The following HS3ST2 variants were observed in gnomAD, a reference collection of about 807,000 sequenced individuals.
HS3ST2 encodes heparan sulfate-glucosamine 3-sulfotransferase 2, also known as heparan sulfate glucosamine 3-O-sulfotransferase 2.
Under a neutral mutation model 26.3 loss-of-function variants are expected in HS3ST2, and 17 were observed. The observed-to-expected ratio is 0.65, with a 90% CI of 0.44 to 0.97. The LOEUF is 0.97. HS3ST2 is among the 50% of genes least tolerant of loss of function. The pLI is 0.00. For synonymous variants in HS3ST2, 237 were observed against 219.2 expected (o/e 1.08, Z -0.72); for missense variants, 402 against 501.2 (o/e 0.80, Z 1.89).
chr16:22,835,179 C>A (rs914247271), intron 1 of HS3ST2, among the ~76,000 whole-genome samples: 2 of 149,460 alleles, frequency 1.3e-5, no homozygotes, highest in African/African-American at 2.6e-5. Flanking sequence ...TCATTTTGTT[C>A]ATTTTTTTTT....
At chr16:22,853,053 T>G (rs1901539307) in intron 1 of HS3ST2, among the ~76,000 whole-genome samples, 1 of 152,224 alleles carries the variant, frequency 6.6e-6, no homozygotes, top group Non-Finnish European at 1.5e-5. Context: ...AATTGAGGTT[T>G]AACTTTGCAT....
intron 1 of HS3ST2, among the ~76,000 whole-genome samples, chr16:22,870,073 C>T (rs1488368321): frequency 6.6e-6 from 1 of 152,112 alleles, no homozygotes. Flanking sequence ...GGTAAGGAAA[C>T]TGAGGCTTAG....
intron 1 of HS3ST2, among the ~76,000 whole-genome samples, chr16:22,841,345 G>A (rs1901353089): frequency 6.6e-6 from 1 of 152,180 alleles, no homozygotes; most frequent in Admixed American, 6.5e-5. Context: ...ACAGGCATGA[G>A]CCACAGCGCC....
At position 22,907,142 on chromosome 16, in the gene HS3ST2, T is replaced by C. The variant is rs548142663; in HGVS notation, c.486-7802T>C. Among the ~76,000 whole-genome samples the C allele has an allele frequency of 4.6e-5, 7 of 152,170 alleles. 1 individual carries two copies. The highest frequency in any genetic ancestry group is 1.7e-4 in the African/African-American group (7 of 41,518). ...GGATCAGAGTCTTAAAAAATAAAAA[T>C]AAAACACTTGGCAAGTGCAAAACAC... On this transcript the variant is annotated intron_variant, in intron 1 of 1. Coordinates refer to ENST00000261374, the MANE Select transcript of HS3ST2 (RefSeq NM_006043.2).
At chr16:22,823,453 C>T (rs1048645979) in intron 1 of HS3ST2, among the ~76,000 whole-genome samples, 1 of 152,030 alleles carries the variant, frequency 6.6e-6, no homozygotes, top group Non-Finnish European at 1.5e-5. Context: ...ACACAACTGA[C>T]GTTATGGGAA....
intron 1 of HS3ST2, among the ~76,000 whole-genome samples, 161 bp downstream of exon 1, chr16:22,815,256 C>T (rs1900847042): frequency 6.6e-6 from 1 of 151,960 alleles, no homozygotes; most frequent in Non-Finnish European, 1.5e-5. Flanking sequence ...TTACCCAGAA[C>T]TTCCCAGTGA....
In HS3ST2 at chr16:22,814,490, CG is replaced by C; in HGVS notation, c.-120del. 1 of 1,195,664 alleles carries C rather than the reference CG, an allele frequency of 8.4e-7. No individual in the cohort carries two copies. The highest frequency in any genetic ancestry group is 3.0e-5 in the East Asian group (1 of 33,766). The allele number at this position is 1,195,664 out of a possible 1,614,324, so 74.1% of individuals were successfully genotyped here. A position where few individuals can be genotyped will look rare whatever the true frequency, so the allele number is the denominator to read the frequency against. On this transcript the variant is annotated 5_prime_UTR_variant, in exon 1 of 2. The change abolishes the stop of an existing upstream ORF in the 5' untranslated region. Transcript: ENST00000261374. ...CCCCCGGAGAAGACGGCGCCCCCAA[CG>C]CCCGACCCGCGTGGCCGTGGCAGCG...
intron 1 of HS3ST2, among the ~76,000 whole-genome samples, chr16:22,823,718 T>C (rs1901039015): frequency 1.3e-5 from 2 of 151,962 alleles, no homozygotes; most frequent in Admixed American, 1.3e-4. Context: ...GCCCAGGAGT[T>C]CGAGGCTGCA....
intron 1 of HS3ST2, among the ~76,000 whole-genome samples, chr16:22,870,319 G>A (rs8062655): frequency 0.13 from 19,524 of 152,054 alleles, 1,471 homozygotes; most frequent in African/African-American, 0.19. Flanking sequence ...CAGATATGAC[G>A]ACTGCTCACC....
At position 22,868,742 on chromosome 16, in the gene HS3ST2, G is replaced by A. The variant is rs184444088; in HGVS notation, c.486-46202G>A. 2.0e-5 allele frequency among the ~76,000 whole-genome samples: 3 copies of A among 152,218 alleles called. No individual in the cohort carries two copies. In the East Asian group the frequency reaches 5.8e-4, roughly 29 times the overall value. Reference sequence around the variant, plus strand: ...AATTTTGCTGCTGCAGCTTTCTGAGGTCCCTGAGCTGGGGGCGCCTGTTTA... The same window carrying A: ...AATTTTGCTGCTGCAGCTTTCTGAGATCCCTGAGCTGGGGGCGCCTGTTTA... On this transcript the variant is annotated intron_variant, in intron 1 of 1. Transcript: ENST00000261374.
intron 1 of HS3ST2, among the ~76,000 whole-genome samples, chr16:22,832,626 G>A (rs1285512525): frequency 6.6e-6 from 1 of 151,934 alleles, no homozygotes; most frequent in Non-Finnish European, 1.5e-5. Flanking sequence ...TCTACTGAAA[G>A]GCATCAGATC....
chr16:22,862,237 G>A (rs62049082), intron 1 of HS3ST2, among the ~76,000 whole-genome samples: 1 of 151,648 alleles, frequency 6.6e-6, no homozygotes, highest in African/African-American at 2.4e-5. Flanking sequence ...GTGTGTGTGT[G>A]GGTGTGTGTC....
At chr16:22,842,062 C>CTTTTTTT (rs11285807) in intron 1 of HS3ST2, among the ~76,000 whole-genome samples, 1 of 111,764 alleles carries the variant, frequency 8.9e-6, no homozygotes, top group Non-Finnish European at 1.8e-5. Context: ...TCTTTTCTTT[C>CTTTTTTT]TTTTTTTTTT....
chr16:22,850,266 G>C lies in HS3ST2; in HGVS notation c.485+35171G>C, dbSNP rs192937717. On this transcript the variant is annotated intron_variant, in intron 1 of 1. Coordinates refer to ENST00000261374, the MANE Select transcript of HS3ST2 (RefSeq NM_006043.2). ...AGAATGAAGGACAGTGGCAGCAACTGTAACTGTTCACTCTAGTAACTATGT... is the reference window on the plus strand; with the variant it reads ...AGAATGAAGGACAGTGGCAGCAACTCTAACTGTTCACTCTAGTAACTATGT... Among the ~76,000 whole-genome samples the C allele has an allele frequency of 4.3e-4, 66 of 152,110 alleles. 1 individual carries two copies. The East Asian group carries it at 0.011, about 26-fold the overall frequency.
intron 1 of HS3ST2, among the ~76,000 whole-genome samples, chr16:22,857,447 G>A (rs549403282): frequency 1.3e-5 from 2 of 152,298 alleles, no homozygotes; most frequent in South Asian, 2.1e-4. Context: ...TGGAAAACGC[G>A]TTAATATCAT....
chr16:22,898,353 A>C (rs1902234968), intron 1 of HS3ST2, among the ~76,000 whole-genome samples: 2 of 152,236 alleles, frequency 1.3e-5, no homozygotes, highest in Admixed American at 6.5e-5. Context: ...TGGGGTCCAC[A>C]GTCTAACCTG....
rs55853160 is a variant in HS3ST2, at chr16:22,892,110, T to TAA, written c.486-22814_486-22813dup. Among the ~76,000 whole-genome samples, 915 of 113,632 alleles carry TAA rather than the reference T, an allele frequency of 8.1e-3. 15 individuals carry two copies. Among genetic ancestry groups the TAA allele is most frequent in the African/African-American group, 0.029 (863 of 29,300 alleles). 74.5% of individuals were successfully genotyped at this position (113,632 alleles called of 152,430 possible). A position where few individuals can be genotyped will look rare whatever the true frequency, so the allele number is the denominator to read the frequency against. On this transcript the variant is annotated intron_variant, in intron 1 of 1. Transcript: ENST00000261374. Reference sequence around the variant, plus strand: ...CAACACGGTGAAACCCCATCTCTACTAAAAAAAAAAAAAAAAAAAAATACA... The same window carrying TAA: ...CAACACGGTGAAACCCCATCTCTACTAAAAAAAAAAAAAAAAAAAAAAATACA...
chr16:22,867,633 G>T (rs1270006864), intron 1 of HS3ST2, among the ~76,000 whole-genome samples: 1 of 152,132 alleles, frequency 6.6e-6, no homozygotes, highest in East Asian at 1.9e-4. Flanking sequence ...GACTCAGTAG[G>T]CATGAAAAAA....
intron 1 of HS3ST2, among the ~76,000 whole-genome samples, chr16:22,839,393 C>T (rs1901319688): frequency 6.6e-6 from 1 of 152,196 alleles, no homozygotes; most frequent in Non-Finnish European, 1.5e-5. Flanking sequence ...AGGAGTAGAA[C>T]AATGCTCCTT....
Sources: allele counts gnomAD v4.1 joint callset (sites outside exome capture counted in the v4.1 genomes callset), GRCh38; gene constraint gnomAD v4.1.1; transcripts MANE v1.5; gene names NCBI Gene and HGNC (gene_info 2026-07-23, HGNC 2026-07-21).